Variants in KCNAB1 observed in about 807,000 individuals in gnomAD.
The protein encoded by KCNAB1 is voltage-gated potassium channel subunit beta-1.
A neutral mutation model predicts 64.6 loss-of-function variants in KCNAB1; 35 were observed. That is an observed-to-expected ratio of 0.54 (90% CI 0.41 to 0.72). KCNAB1 has a LOEUF of 0.72. KCNAB1 is among the 30% of genes least tolerant of loss of function. The pLI is 0.00. For missense variants in KCNAB1, 401 were observed against 512.9 expected, an observed-to-expected ratio of 0.78 and a Z score of 2.11; for synonymous variants, 177 against 183.8, an observed-to-expected ratio of 0.96 and a Z score of 0.30.
chr3:156,162,943 A>G (rs1716167709), intron 1 of KCNAB1, among the ~76,000 whole-genome samples: 1 of 152,210 alleles, frequency 6.6e-6, no homozygotes, highest in Non-Finnish European at 1.5e-5. Flanking sequence ...CCAATTATAT[A>G]ATTCACAAAA....
intron 1 of KCNAB1, among the ~76,000 whole-genome samples, chr3:156,221,284 T>C (rs887214991): frequency 6.6e-6 from 1 of 152,204 alleles, no homozygotes; most frequent in Non-Finnish European, 1.5e-5. Context: ...GGGGATAGCA[T>C]TGAATCTAAA....
intron 1 of KCNAB1, among the ~76,000 whole-genome samples, chr3:156,338,689 A>G (rs1457622242): frequency 6.6e-6 from 1 of 152,142 alleles, no homozygotes; most frequent in African/African-American, 2.4e-5. Flanking sequence ...AGGGAGAGAA[A>G]ACAGACCCAT....
chr3:156,140,968 G>A (rs1421186032), intron 1 of KCNAB1, among the ~76,000 whole-genome samples: 1 of 152,102 alleles, frequency 6.6e-6, no homozygotes, highest in African/African-American at 2.4e-5. Context: ...CTGTTAGACC[G>A]AATGAACAGT....
chr3:156,147,365 G>A (rs76454482), intron 1 of KCNAB1, among the ~76,000 whole-genome samples: 1 of 152,156 alleles, frequency 6.6e-6, no homozygotes, highest in South Asian at 2.1e-4. Context: ...CAGCAGCAAG[G>A]TTCCTAGAGG....
intron 1 of KCNAB1, among the ~76,000 whole-genome samples, chr3:156,335,855 T>G (rs980001057): frequency 7.6e-6 from 1 of 132,024 alleles, no homozygotes; most frequent in Non-Finnish European, 1.7e-5. Flanking sequence ...TTGTTTGGGT[T>G]TTTTTTTTTT....
intron 2 of KCNAB1, among the ~76,000 whole-genome samples, chr3:156,436,801 G>T (rs115008563): frequency 0.037 from 5,566 of 152,250 alleles, 342 homozygotes; most frequent in African/African-American, 0.13. Context: ...TAAATTGCTT[G>T]TAGACTCTGG....
intron 12 of KCNAB1, among the ~76,000 whole-genome samples, chr3:156,530,990 T>C (rs1017928369): frequency 2.6e-5 from 4 of 152,102 alleles, no homozygotes; most frequent in African/African-American, 9.7e-5. Flanking sequence ...GGGCCTTATG[T>C]GGAAAGCAAA....
intron 1 of KCNAB1, among the ~76,000 whole-genome samples, chr3:156,194,738 C>T (rs947257227): frequency 1.6e-4 from 25 of 152,086 alleles, no homozygotes; most frequent in Admixed American, 8.5e-4. Context: ...TCCAACACCT[C>T]GCTTATGCTC....
At chr3:156,148,862 T>C (rs1036844916) in intron 1 of KCNAB1, among the ~76,000 whole-genome samples, 14 of 147,656 alleles carry the variant, frequency 9.5e-5, no homozygotes, top group African/African-American at 3.5e-4. Context: ...TTTCTTTCTT[T>C]TTTTTTTTTG....
intron 1 of KCNAB1, among the ~76,000 whole-genome samples, chr3:156,406,002 A>G (rs1312585054): frequency 6.6e-6 from 1 of 152,198 alleles, no homozygotes; most frequent in Non-Finnish European, 1.5e-5. Context: ...GCCCATTAGT[A>G]TCTTGGTGAG....
chr3:156,203,406 T>G (rs1576602306), intron 1 of KCNAB1, among the ~76,000 whole-genome samples: 1 of 152,208 alleles, frequency 6.6e-6, no homozygotes, highest in African/African-American at 2.4e-5. Context: ...TAGAGTAAGA[T>G]AGCATTGGGT....
chr3:156,440,377 T>A (rs928058902), intron 2 of KCNAB1, among the ~76,000 whole-genome samples: 1 of 152,228 alleles, frequency 6.6e-6, no homozygotes, highest in African/African-American at 2.4e-5. Flanking sequence ...TGCCAAAGCA[T>A]GGCTGGGAAT....
At chr3:156,132,454 T>G (rs1403899558) in intron 1 of KCNAB1, among the ~76,000 whole-genome samples, 1 of 152,222 alleles carries the variant, frequency 6.6e-6, no homozygotes, top group Non-Finnish European at 1.5e-5. Context: ...GCCTTGAGAC[T>G]CACTTACGGC....
At chr3:156,400,039 C>T (rs566178242) in intron 1 of KCNAB1, among the ~76,000 whole-genome samples, 1 of 152,232 alleles carries the variant, frequency 6.6e-6, no homozygotes, top group East Asian at 1.9e-4. Flanking sequence ...GTTCTAAACA[C>T]CTGAGAGTTG....
intron 11 of KCNAB1, among the ~76,000 whole-genome samples, chr3:156,516,984 T>C (rs17239426): frequency 0.09 from 13,698 of 152,312 alleles, 653 homozygotes; most frequent in South Asian, 0.11. Context: ...GACATCTTGA[T>C]GACTAATTTA....
At chr3:156,370,416 A>T (rs1262399866) in intron 1 of KCNAB1, among the ~76,000 whole-genome samples, 2 of 152,198 alleles carry the variant, frequency 1.3e-5, no homozygotes, top group African/African-American at 2.4e-5. Context: ...CCTGCCTGAA[A>T]TTTTTTTAGC....
intron 1 of KCNAB1, among the ~76,000 whole-genome samples, chr3:156,328,966 G>A (rs1723159672): frequency 6.6e-6 from 1 of 152,006 alleles, no homozygotes; most frequent in African/African-American, 2.4e-5. Flanking sequence ...GTATCCAAAT[G>A]GGAAAAGATT....
chr3:156,379,147 G>A (rs1239148043), intron 1 of KCNAB1, among the ~76,000 whole-genome samples: 1 of 152,168 alleles, frequency 6.6e-6, no homozygotes, highest in Non-Finnish European at 1.5e-5. Flanking sequence ...CACTCTGAAG[G>A]CAGGTGACGA....
chr3:156,224,117 C>T (rs1715986370), intron 1 of KCNAB1, among the ~76,000 whole-genome samples: 2 of 152,250 alleles, frequency 1.3e-5, no homozygotes, highest in African/African-American at 4.8e-5. Flanking sequence ...TGCCGGTGGG[C>T]CAGCACTGCT....
Sources: allele counts gnomAD v4.1 joint callset (sites outside exome capture counted in the v4.1 genomes callset), GRCh38; gene constraint gnomAD v4.1.1; transcripts MANE v1.5; gene names NCBI Gene and HGNC (gene_info 2026-07-23, HGNC 2026-07-21).